Variants in BRME1 observed in about 807,000 individuals in gnomAD.
BRME1 encodes break repair meiotic recombinase recruitment factor 1.
Under a neutral mutation model 52.6 loss-of-function variants are expected in BRME1, and 31 were observed. The ratio of observed to expected loss-of-function variants is 0.59; its 90% confidence interval spans 0.44 to 0.80. The LOEUF is 0.80. Among genes scored for constraint, BRME1 ranks in the 30% least tolerant of loss-of-function variants. The pLI is 0.00. For synonymous variants in BRME1, 359 were observed against 353.6 expected (o/e 1.02, Z -0.17); for missense variants, 804 against 860.3 (o/e 0.93, Z 0.82).
rs559619509 is a variant in BRME1, at chr19:13,882,763, G to A, written c.*39C>T. On this transcript the variant is annotated 3_prime_UTR_variant, in exon 9 of 9. Coordinates refer to ENST00000586783, the MANE Select transcript of BRME1 (RefSeq NM_001345843.2). Reference sequence around the variant, plus strand: ...ATCTTGGAGGAGGTCTGCGGACATGGGGGCTGGGTGGCAAAGGAAACACAG... The same window carrying A: ...ATCTTGGAGGAGGTCTGCGGACATGAGGGCTGGGTGGCAAAGGAAACACAG... The A allele has an allele frequency of 6.2e-7, 1 of 1,611,490 alleles. No individual in the cohort carries two copies. Among genetic ancestry groups the A allele is most frequent in the Admixed American group, 1.7e-5 (1 of 59,054 alleles).
At position 13,883,471 on chromosome 19, in the gene BRME1, G is replaced by T. The variant is rs1968783006; in HGVS notation, c.1764-71C>A. ...CTACCAGAGCTCTCCAGTGGGAGGG[G>T]CTTCCGCAGGGCCTCGCGCCATCTT... is the stretch of plus-strand genomic sequence containing the variant. On this transcript the variant is annotated intron_variant, in intron 7 of 8. Coordinates refer to ENST00000586783, the MANE Select transcript of BRME1 (RefSeq NM_001345843.2). The surrounding 1 kb of genome is among the most constrained non-coding windows in gnomAD (Gnocchi z 4.2). The T allele has an allele frequency of 1.7e-6, 2 of 1,155,854 alleles. No homozygotes were observed. Among genetic ancestry groups the T allele is most frequent in the Admixed American group, 2.0e-5 (1 of 49,296 alleles). 71.6% of individuals were successfully genotyped at this position (1,155,854 alleles called of 1,614,324 possible). A position where few individuals can be genotyped will look rare whatever the true frequency, so the allele number is the denominator to read the frequency against.
chr19:13,896,155 A>G (rs1009863319), intron 2 of BRME1, among the ~76,000 whole-genome samples: 1 of 152,078 alleles, frequency 6.6e-6, no homozygotes. Flanking sequence ...CTATAGTCCC[A>G]GCTACTTGGG....
intron 2 of BRME1, among the ~76,000 whole-genome samples, chr19:13,898,923 C>CAAAAAAA (rs1159325305): frequency 4.4e-5 from 3 of 67,722 alleles, no homozygotes; most frequent in Admixed American, 1.9e-4. Flanking sequence ...AACTCCATCT[C>CAAAAAAA]AAAAAAAAAA....
At chr19:13,904,360 G>T (rs1970502875) in intron 2 of BRME1, among the ~76,000 whole-genome samples, 1 of 152,000 alleles carries the variant, frequency 6.6e-6, no homozygotes, top group Admixed American at 6.6e-5. Context: ...GCCCACCTCG[G>T]CCTCCCAAAG....
intron 2 of BRME1, among the ~76,000 whole-genome samples, chr19:13,898,862 G>A (rs536498334): frequency 1.2e-4 from 17 of 145,810 alleles, no homozygotes; most frequent in African/African-American, 4.2e-4. Context: ...GGCGGAGGTT[G>A]CAGTGAGCCG....
Position 13,890,470 on chromosome 19 carries a change from C to A in BRME1, c.394-8G>T. 1.4e-6 allele frequency: 2 copies of A among 1,479,954 alleles called. No homozygotes were observed. Among genetic ancestry groups the A allele is most frequent in the Non-Finnish European group, 1.8e-6 (2 of 1,121,514 alleles). 91.7% of individuals were successfully genotyped at this position (1,479,954 alleles called of 1,614,324 possible). A position where few individuals can be genotyped will look rare whatever the true frequency, so the allele number is the denominator to read the frequency against. On this transcript the variant is annotated splice_polypyrimidine_tract_variant and splice_region_variant and intron_variant, in intron 5 of 8. Coordinates refer to ENST00000586783, the MANE Select transcript of BRME1 (RefSeq NM_001345843.2). Reference sequence around the variant, plus strand: ...GGACTCTGCGATTGTTTCCTGTGGACAGAAAAAGACTCAGCCCCGGGGCCT... The same window carrying A: ...GGACTCTGCGATTGTTTCCTGTGGAAAGAAAAAGACTCAGCCCCGGGGCCT...
At chr19:13,892,724 C>T (rs994138889) in intron 5 of BRME1, 62 bp downstream of exon 5, 79 of 1,403,458 alleles carry the variant, frequency 5.6e-5, no homozygotes, top group Non-Finnish European at 7.6e-5. Flanking sequence ...ATGGGGCTGC[C>T]GAGGCTGGGC....
At chr19:13,893,069 G>T in intron 4 of BRME1, 73 bp downstream of exon 4, 1 of 1,452,290 alleles carries the variant, frequency 6.9e-7, no homozygotes, top group South Asian at 1.2e-5. Context: ...TGACAAAGAA[G>T]GGAGACACAG....
At chr19:13,886,097 C>T (rs199510221) in intron 6 of BRME1, 42 bp from the exon 7 acceptor site, 105 of 1,563,094 alleles carry the variant, frequency 6.7e-5, no homozygotes, top group African/African-American at 4.6e-4. Flanking sequence ...AGGCCTGGGT[C>T]GGGCAAGCTC....
At position 13,889,460 on chromosome 19, in the gene BRME1, G is replaced by A. The variant is rs148392972; in HGVS notation, c.1396C>T (p.Leu466Phe). 185 of 1,613,876 alleles carry A rather than the reference G, an allele frequency of 1.1e-4. No individual in the cohort carries two copies. The highest frequency in any genetic ancestry group is 3.3e-5 in the Admixed American group (2 of 59,996). The part of the protein sequence containing the change: ...QEEAELGGQN[L>F]ERDLEGFRVS... ...CGGAACCCCTCGAGGTCTCGTTCGA[G>A]GTTCTGGCCACCTAACTCGGCTTCC... The change falls in exon 6 of 9, where the codon CTC (leucine) becomes TTC (phenylalanine). Residue 466 changes from leucine (L) to phenylalanine (F), a missense_variant. Physicochemically the swap from Leu to Phe is conservative, Grantham distance 22 (BLOSUM62 0). Transcript: ENST00000586783.
chr19:13,889,567 A>G lies in BRME1; in HGVS notation c.1289T>C (p.Met430Thr). 6.2e-7 allele frequency: 1 copy of G among 1,613,294 alleles called. No homozygotes were observed. ...TGCATGACCGGAATCTCCAGCACCC[A>G]TCATGGACTCTCCGCTCCCAGGTGC... ...ALAPGSGESM[M>T]GAGDSGHASP... The change falls in exon 6 of 9, where the codon ATG (methionine) becomes ACG (threonine). Residue 430 changes from methionine (M) to threonine (T), a missense_variant. Met to Thr is a moderately conservative substitution (Grantham distance 81). Coordinates refer to ENST00000586783, the MANE Select transcript of BRME1 (RefSeq NM_001345843.2).
At chr19:13,898,649 C>A (rs922977513) in intron 2 of BRME1, among the ~76,000 whole-genome samples, 2 of 151,944 alleles carry the variant, frequency 1.3e-5, no homozygotes, top group African/African-American at 4.8e-5. Context: ...CAGGACCAGG[C>A]GCAGTGGTTC....
rs934399656 is a variant in BRME1, at chr19:13,883,357, C to T, written c.1807G>A (p.Asp603Asn). The T allele has an allele frequency of 2.6e-6, 4 of 1,535,352 alleles. No homozygotes were observed. ...IQASEASRME[D>N]ATNVVRGLIV... ...AGGCCACGCACGACGTTGGTGGCAT[C>T]CTCCATCCTGGAGGCCTCAGAGGCC... The change falls in exon 8 of 9, where the codon GAT becomes AAT. Residue 603 changes from aspartate (D) to asparagine (N), a missense_variant. Around this residue, in one of 3 missense-constraint regions of BRME1, gnomAD observed 552 missense variants for 561.1 expected, o/e 0.98. Coordinates refer to ENST00000586783, the MANE Select transcript of BRME1 (RefSeq NM_001345843.2). This position sits in a 1 kb window ranked among gnomAD's most constrained non-coding sequence, Gnocchi z 4.2.
chr19:13,890,214 T>A lies in BRME1; in HGVS notation c.642A>T (p.Glu214Asp), dbSNP rs555971035. The A allele has an allele frequency of 6.2e-7, 1 of 1,614,230 alleles. No individual in the cohort carries two copies. Among genetic ancestry groups the A allele is most frequent in the African/African-American group, 1.3e-5 (1 of 75,062 alleles). ...SQRASQDHLS[E>D]QGADDSKPET... ...CAGGCTTGCTGTCATCGGCCCCTTG[T>A]TCTGACAGGTGGTCTTGGCTGGCCC... is the stretch of plus-strand genomic sequence containing the variant. The change falls in exon 6 of 9, where the codon GAA (glutamate) becomes GAT (aspartate). Residue 214 changes from glutamate (E) to aspartate (D), a missense_variant. Physicochemically the swap from Glu to Asp is conservative, Grantham distance 45. Coordinates refer to ENST00000586783, the MANE Select transcript of BRME1 (RefSeq NM_001345843.2).
chr19:13,889,704 C>T lies in BRME1; in HGVS notation c.1152G>A (p.Leu384=), dbSNP rs1370148185. 3.1e-6 allele frequency: 5 copies of T among 1,608,890 alleles called. No homozygotes were observed. In the African/African-American group the frequency reaches 4.0e-5, roughly 13 times the overall value. ...CCCCAGTGAGCGAGGTGCAGCCTGG[C>T]AAGGCCCTCCTGTGGCCTCCATCAG... ...KAADGGHRRA[L]PGCTSLTGET... Residue 384 remains leucine, a synonymous_variant, in exon 6 of 9, where the codon TTG becomes TTA. Coordinates refer to ENST00000586783, the MANE Select transcript of BRME1 (RefSeq NM_001345843.2).
intron 5 of BRME1, 131 bp from the exon 6 acceptor site, chr19:13,890,593 G>A (rs1486698077): frequency 1.0e-5 from 8 of 776,442 alleles, no homozygotes; most frequent in Non-Finnish European, 1.1e-5. Flanking sequence ...GGCCAGGCGT[G>A]ATGGCTCATG....
Position 13,895,542 on chromosome 19 carries a change from C to G in BRME1, c.36G>C (p.Glu12Asp). 4.3e-6 allele frequency: 7 copies of G among 1,612,334 alleles called. No homozygotes were observed. Among genetic ancestry groups the G allele is most frequent in the Non-Finnish European group, 5.9e-6 (7 of 1,179,170 alleles). ...TTAGGGGTTTTGGAGGACAGAGTCC[C>G]TCTCCTGTTTTAGAGACAGAGGAAG... Reference protein sequence around the residue: ...TKRKKLRTSGEGLCPPKPLKN... With the variant: ...TKRKKLRTSGDGLCPPKPLKN... Residue 12 changes from glutamate (E) to aspartate (D), a missense_variant, in exon 3 of 9, where the codon GAG (glutamate) becomes GAC (aspartate). Coordinates refer to ENST00000586783, the MANE Select transcript of BRME1 (RefSeq NM_001345843.2).
chr19:13,890,220 C>T lies in BRME1; in HGVS notation c.636G>A (p.Leu212=), dbSNP rs764541473. Residue 212 remains leucine (L), a synonymous_variant, in exon 6 of 9, where the codon CTG becomes CTA. Transcript: ENST00000586783. Reference sequence around the variant, plus strand: ...TGCTGTCATCGGCCCCTTGTTCTGACAGGTGGTCTTGGCTGGCCCTCTGTG... The same window carrying T: ...TGCTGTCATCGGCCCCTTGTTCTGATAGGTGGTCTTGGCTGGCCCTCTGTG... ...SASQRASQDH[L]SEQGADDSKP... is the part of the protein sequence containing the mutation. 1.2e-6 allele frequency: 2 copies of T among 1,614,214 alleles called. No individual in the cohort carries two copies. The highest frequency in any genetic ancestry group is 2.2e-5 in the South Asian group (2 of 91,086).
intron 5 of BRME1, among the ~76,000 whole-genome samples, chr19:13,890,951 T>C (rs925200980): frequency 6.6e-6 from 1 of 151,938 alleles, no homozygotes; most frequent in Non-Finnish European, 1.5e-5. Context: ...GACTCAGATA[T>C]TGGCACCGGC....
Sources: gnomAD v4.1 joint callset for allele counts (sites outside exome capture counted in the v4.1 genomes callset) on GRCh38, gnomAD v4.1.1 for gene constraint, gnomAD v4.1.1 regional missense constraint, Gnocchi (gnomAD v3.1) non-coding constraint, MANE v1.5 for transcripts, NCBI Gene and HGNC (gene_info 2026-07-23, HGNC 2026-07-21) for gene names.